Variants in CFAP70 observed in about 807,000 individuals in gnomAD.
CFAP70 encodes cilia- and flagella-associated protein 70.
A neutral mutation model predicts 137.6 loss-of-function variants in CFAP70; 81 were observed. That is an observed-to-expected ratio of 0.59 (90% CI 0.49 to 0.71). CFAP70 has a LOEUF of 0.71. Ranked by LOEUF, CFAP70 falls within the 30% of genes least tolerant of loss-of-function variation. CFAP70 has a pLI of 0.00. For synonymous variants in CFAP70, 382 were observed against 423.6 expected (o/e 0.90, Z 1.20); for missense variants, 976 against 1,226.7 (o/e 0.80, Z 3.05).
upstream of CFAP70, among the ~76,000 whole-genome samples, chr10:73,359,986 A>G (rs1487697437): frequency 6.6e-6 from 1 of 152,180 alleles, no homozygotes; most frequent in Non-Finnish European, 1.5e-5. Flanking sequence ...AGGACAAGAA[A>G]GACTGGGAAC....
chr10:73,264,647 C>A (rs2045582123), intron 25 of CFAP70, among the ~76,000 whole-genome samples: 1 of 152,186 alleles, frequency 6.6e-6, no homozygotes. Flanking sequence ...AAGCCTAAAA[C>A]TATACTCTAA....
chr10:73,293,650 A>T (rs534703680), intron 15 of CFAP70: 1 of 300,044 alleles, frequency 3.3e-6, no homozygotes, highest in Admixed American at 4.7e-5. Flanking sequence ...GGGCAGAAAT[A>T]ACTGCCTCAA....
intron 1 of CFAP70, among the ~76,000 whole-genome samples, chr10:73,357,861 T>TC (rs929666672): frequency 2.0e-4 from 31 of 152,332 alleles, no homozygotes; most frequent in African/African-American, 7.5e-4. Flanking sequence ...CCATGAAGCT[T>TC]CCCAGTCGGA....
intron 3 of CFAP70, among the ~76,000 whole-genome samples, chr10:73,351,663 C>G (rs1251045993): frequency 6.6e-6 from 1 of 152,160 alleles, no homozygotes; most frequent in Admixed American, 6.6e-5. Context: ...GAACTCCTGA[C>G]CTTGTGATCC....
intron 12 of CFAP70, among the ~76,000 whole-genome samples, chr10:73,307,091 G>A (rs972089195): frequency 2.0e-5 from 3 of 152,150 alleles, no homozygotes; most frequent in African/African-American, 7.2e-5. Context: ...GAGGGATGGA[G>A]ATGTATAGGA....
At chr10:73,308,935 A>T (rs2049661375) in intron 12 of CFAP70, among the ~76,000 whole-genome samples, 1 of 152,082 alleles carries the variant, frequency 6.6e-6, no homozygotes, top group Non-Finnish European at 1.5e-5. Flanking sequence ...GAAGAAGAAA[A>T]CTCAAAATCA....
At chr10:73,299,199 T>G in intron 13 of CFAP70, 98 bp from the exon 15 acceptor site, 1 of 870,294 alleles carries the variant, frequency 1.1e-6, no homozygotes, top group Non-Finnish European at 1.7e-6. Flanking sequence ...CATGATACTT[T>G]ATTAGTTTGT....
At chr10:73,335,593 A>G (rs1288144318) in intron 6 of CFAP70, 69 bp from the exon 8 acceptor site, 1 of 1,058,084 alleles carries the variant, frequency 9.5e-7, no homozygotes, top group Admixed American at 2.2e-5. Flanking sequence ...TCTATAGGGC[A>G]TTCTTTTAAT....
intron 19 of CFAP70, among the ~76,000 whole-genome samples, chr10:73,280,068 C>T (rs1342062094): frequency 3.3e-5 from 5 of 152,090 alleles, no homozygotes; most frequent in Admixed American, 1.3e-4. Flanking sequence ...TTAGCTATCC[C>T]GGTGATAAAT....
chr10:73,351,069 GTGTATATATATA>G lies in CFAP70; in HGVS notation c.250+2475_250+2486del, dbSNP rs1213219196. 6.5e-3 allele frequency among the ~76,000 whole-genome samples: 329 copies of G among 50,534 alleles called. 3 individuals are homozygous for G. Among genetic ancestry groups the G allele is most frequent in the African/African-American group, 0.022 (258 of 11,940 alleles). The allele number at this position is 50,534 out of a possible 152,430, so 33.2% of individuals were successfully genotyped here. ...TATGTGTGTGTGTGTGTGTGTGTGTGTGTATATATATATATATATATATATATATATATATAT... is the reference window on the plus strand; with the variant it reads ...TATGTGTGTGTGTGTGTGTGTGTGTGTATATATATATATATATATATATAT... On this transcript the variant is annotated intron_variant, in intron 3 of 26. Coordinates refer to ENST00000310715, the Ensembl canonical transcript of CFAP70.
intron 8 of CFAP70, among the ~76,000 whole-genome samples, chr10:73,327,950 G>C (rs1211337613): frequency 6.6e-6 from 1 of 152,152 alleles, no homozygotes. Flanking sequence ...TCCCCATCAA[G>C]CTACCAATGA....
chr10:73,333,686 C>A lies in CFAP70; in HGVS notation c.677+1744G>T, dbSNP rs917140566. Among the ~76,000 whole-genome samples, 5 of 152,120 alleles carry A rather than the reference C, an allele frequency of 3.3e-5. No individual in the cohort carries two copies. The East Asian group carries it at 9.6e-4, about 29-fold the overall frequency. Reference sequence around the variant, plus strand: ...CCTTCAAACCTAAAGGAGAAATAAACCCTTTCTCAAACAAACAAAAATGAG... The same window carrying A: ...CCTTCAAACCTAAAGGAGAAATAAAACCTTTCTCAAACAAACAAAAATGAG... On this transcript the variant is annotated intron_variant, in intron 7 of 26. Transcript: ENST00000310715.
At chr10:73,311,606 G>T (rs1589438602) in intron 11 of CFAP70, among the ~76,000 whole-genome samples, 3 of 152,226 alleles carry the variant, frequency 2.0e-5, no homozygotes, top group South Asian at 4.1e-4. Flanking sequence ...ATTAACAAAA[G>T]ATATAATATT....
chr10:73,329,218 C>T (rs1442867754), intron 8 of CFAP70, among the ~76,000 whole-genome samples: 2 of 152,118 alleles, frequency 1.3e-5, no homozygotes, highest in Non-Finnish European at 2.9e-5. Context: ...GAAACCATCA[C>T]TCTCAGCAAA....
intron 3 of CFAP70, 35 bp downstream of exon 3, chr10:73,353,521 T>G: frequency 6.3e-7 from 1 of 1,590,288 alleles, no homozygotes; most frequent in Middle Eastern, 1.7e-4. Flanking sequence ...AAGAAGGCAA[T>G]CGGGACATTG....
At chr10:73,284,588 T>C (rs2047502604) in intron 19 of CFAP70, among the ~76,000 whole-genome samples, 1 of 150,846 alleles carries the variant, frequency 6.6e-6, no homozygotes, top group Non-Finnish European at 1.5e-5. Context: ...TTCCTTTTTC[T>C]GCCTTCCTGT....
At chr10:73,309,583 A>G (rs2049717125) in intron 12 of CFAP70, among the ~76,000 whole-genome samples, 1 of 151,870 alleles carries the variant, frequency 6.6e-6, no homozygotes. Context: ...CTGGGATTCA[A>G]AGTGCTGGAA....
chr10:73,300,736 GC>G (rs2048885404), intron 12 of CFAP70, among the ~76,000 whole-genome samples: 1 of 152,240 alleles, frequency 6.6e-6, no homozygotes, highest in East Asian at 1.9e-4. Context: ...AGTGGTGTGT[GC>G]CTATAGTTCC....
intron 12 of CFAP70, among the ~76,000 whole-genome samples, chr10:73,309,474 T>G (rs1589432608): frequency 6.6e-6 from 1 of 152,056 alleles, no homozygotes; most frequent in East Asian, 1.9e-4. Flanking sequence ...GATGTTTTTA[T>G]TTTTTAATTT....
Sources: gnomAD v4.1 joint callset for allele counts (sites outside exome capture counted in the v4.1 genomes callset) on GRCh38, gnomAD v4.1.1 for gene constraint, MANE v1.5 for transcripts, NCBI Gene and HGNC (gene_info 2026-07-23, HGNC 2026-07-21) for gene names.